Variants in LRIG3 observed in about 807,000 individuals in gnomAD.
LRIG3 encodes leucine rich repeats and immunoglobulin like domains 3, also known as leucine-rich repeats and immunoglobulin-like domains protein 3.
A neutral mutation model predicts 114.5 loss-of-function variants in LRIG3; 76 were observed. That is an observed-to-expected ratio of 0.66 (90% CI 0.55 to 0.80). The LOEUF (loss-of-function observed/expected upper bound fraction) is 0.80. LRIG3 is among the 30% of genes least tolerant of loss of function. The pLI is 0.00. For missense variants in LRIG3, 1,239 were observed against 1,382.8 expected (o/e 0.90, Z 1.65); for synonymous variants, 512 against 519.8 (o/e 0.98, Z 0.20).
chr12:58,887,953 A>G, intron 7 of LRIG3, 21 bp from the exon 8 acceptor site: 1 of 1,602,708 alleles, frequency 6.2e-7, no homozygotes, highest in Non-Finnish European at 8.5e-7. Context: ...AAAAGAGAAA[A>G]GCAATAGCTT....
At chr12:58,881,805 G>A (rs1000170081) in intron 12 of LRIG3, among the ~76,000 whole-genome samples, 4 of 152,158 alleles carry the variant, frequency 2.6e-5, no homozygotes, top group Non-Finnish European at 5.9e-5. Context: ...TATTGTAATC[G>A]AGGTGTTTTC....
Position 58,886,867 on chromosome 12 carries a change from G to T in LRIG3, c.1115C>A (p.Ser372Tyr). 6.2e-7 allele frequency: 1 copy of T among 1,613,424 alleles called. No individual in the cohort carries two copies. The highest frequency in any genetic ancestry group is 1.3e-5 in the African/African-American group (1 of 74,996). The change falls in exon 9 of 19, where the codon TCC becomes TAC. Residue 372 changes from serine to tyrosine, a missense_variant. Ser to Tyr is a moderately radical substitution (Grantham distance 144). Transcript: ENST00000320743. ...ACCATTCATGTCTTCAATAGTCCAG[G>T]AAATTTCATTGTTCTTCAGATCCCT... ...KTLDLKNNEISWTIEDMNGAF... is the reference protein window; with the variant it reads ...KTLDLKNNEIYWTIEDMNGAF...
chr12:58,901,763 G>C (rs1489301126), intron 3 of LRIG3, among the ~76,000 whole-genome samples: 9 of 152,160 alleles, frequency 5.9e-5, no homozygotes, highest in Non-Finnish European at 1.2e-4. Flanking sequence ...AACGACAACA[G>C]GTAGAAGCTG....
intron 1 of LRIG3, among the ~76,000 whole-genome samples, chr12:58,918,409 T>C (rs1196168350): frequency 3.3e-5 from 5 of 152,288 alleles, no homozygotes; most frequent in Middle Eastern, 3.4e-3. Context: ...AGATTTTTTT[T>C]CTAAACATCT....
In LRIG3 at chr12:58,880,834, C is replaced by T. The variant is rs1261521959; in HGVS notation, c.1548G>A (p.Leu516=). The T allele has an allele frequency of 1.2e-6, 2 of 1,614,118 alleles. No individual in the cohort carries two copies. Among genetic ancestry groups the T allele is most frequent in the South Asian group, 2.2e-5 (2 of 91,070 alleles). ...TGCTGGCAGCTGAGCAGATGAAACTCAAATTGGAACCTTTTATTGCCGACT... is the reference window on the plus strand; with the variant it reads ...TGCTGGCAGCTGAGCAGATGAAACTTAAATTGGAACCTTTTATTGCCGACT... The part of the protein sequence containing the change: ...ETQSAIKGSN[L]SFICSAASSS... Residue 516 remains leucine, a synonymous_variant, in exon 13 of 19, where the codon TTG becomes TTA. Coordinates refer to ENST00000320743, the MANE Select transcript of LRIG3 (RefSeq NM_153377.5).
intron 11 of LRIG3, 138 bp from the exon 12 acceptor site, chr12:58,883,170 T>C (rs1359203715): frequency 8.7e-6 from 7 of 800,062 alleles, no homozygotes; most frequent in Non-Finnish European, 1.3e-5. Flanking sequence ...TATCCCACAG[T>C]CCATTTTAAA....
chr12:58,900,804 C>T (rs1172818100), intron 3 of LRIG3, among the ~76,000 whole-genome samples: 4 of 152,148 alleles, frequency 2.6e-5, no homozygotes, highest in African/African-American at 7.2e-5. Flanking sequence ...AATGCAGACA[C>T]AGAATAGCTT....
At position 58,872,390 on chromosome 12, in the gene LRIG3, G is replaced by T; in HGVS notation, c.*182C>A. On this transcript the variant is annotated 3_prime_UTR_variant, in exon 19 of 19. Transcript: ENST00000320743. ...ATAGTTTAAAAAGGTATTCTTATAT[G>T]AGCATCATTCCCAGTATAAAAATTT... The T allele has an allele frequency of 4.1e-6, 2 of 486,334 alleles. No homozygotes were observed. Among genetic ancestry groups the T allele is most frequent in the Non-Finnish European group, 6.6e-6 (2 of 300,796 alleles). 30.1% of individuals were successfully genotyped at this position (486,334 alleles called of 1,614,324 possible).
At chr12:58,876,936 T>C (rs1197750161) in intron 15 of LRIG3, among the ~76,000 whole-genome samples, 4 of 152,240 alleles carry the variant, frequency 2.6e-5, no homozygotes, top group Non-Finnish European at 5.9e-5. Flanking sequence ...TGCTTGATTA[T>C]TGCCATATTC....
At chr12:58,913,294 C>T (rs1463532503) in intron 3 of LRIG3, among the ~76,000 whole-genome samples, 1 of 152,146 alleles carries the variant, frequency 6.6e-6, no homozygotes, top group Admixed American at 6.5e-5. Flanking sequence ...AGAAATTAAA[C>T]CACAGGCATT....
intron 15 of LRIG3, among the ~76,000 whole-genome samples, chr12:58,877,119 C>T (rs1870948330): frequency 6.6e-6 from 1 of 152,220 alleles, no homozygotes; most frequent in Non-Finnish European, 1.5e-5. Context: ...GGTTCTCCAT[C>T]ACTATCTTAT....
At chr12:58,883,859 G>A (rs1871192561) in intron 10 of LRIG3, among the ~76,000 whole-genome samples, 1 of 152,118 alleles carries the variant, frequency 6.6e-6, no homozygotes, top group African/African-American at 2.4e-5. Flanking sequence ...TAGGGCCCAT[G>A]CTGTTCTATT....
chr12:58,874,058 TGAAA>T lies in LRIG3; in HGVS notation c.3108_3111del (p.Phe1037TrpfsTer13). The T allele has an allele frequency of 6.2e-7, 1 of 1,614,136 alleles. No individual in the cohort carries two copies. On this transcript the variant is annotated frameshift_variant, in exon 18 of 19. Coordinates refer to ENST00000320743, the MANE Select transcript of LRIG3 (RefSeq NM_153377.5). LOFTEE classifies it high-confidence loss of function. ...CCTGATAACTTAATAAACTTACCCATGAAAGAATTACTCGAGGCAACCGACGCTG... is the reference window on the plus strand; with the variant it reads ...CCTGATAACTTAATAAACTTACCCATGAATTACTCGAGGCAACCGACGCTG...
chr12:58,876,162 G>T (rs1412463411), intron 16 of LRIG3, among the ~76,000 whole-genome samples: 1 of 152,134 alleles, frequency 6.6e-6, no homozygotes, highest in Non-Finnish European at 1.5e-5. Flanking sequence ...AAGGGCCAAA[G>T]AACATTTATA....
intron 1 of LRIG3, among the ~76,000 whole-genome samples, chr12:58,917,102 T>G (rs1053924232): frequency 1.3e-5 from 2 of 152,154 alleles, no homozygotes; most frequent in African/African-American, 4.8e-5. Context: ...GAAAAACAGC[T>G]GTGAAAACCA....
At chr12:58,877,996 CAT>C in intron 14 of LRIG3, 144 bp from the exon 15 acceptor site, 2 of 737,374 alleles carry the variant, frequency 2.7e-6, no homozygotes, top group Non-Finnish European at 4.3e-6. Flanking sequence ...AGAGCCTAAA[CAT>C]ATACAACATT....
intron 3 of LRIG3, among the ~76,000 whole-genome samples, chr12:58,905,860 C>T (rs1194615790): frequency 1.3e-5 from 2 of 152,180 alleles, no homozygotes; most frequent in African/African-American, 2.4e-5. Context: ...ACTTCTCAGC[C>T]TCCACAATAA....
chr12:58,919,993 T>C lies in LRIG3; in HGVS notation c.236+7A>G. 1.3e-6 allele frequency: 2 copies of C among 1,550,242 alleles called. No individual in the cohort carries two copies. The highest frequency in any genetic ancestry group is 2.4e-5 in the South Asian group (2 of 84,114). Reference sequence around the variant, plus strand: ...GGGCCCCCTCCCCCCGCGGGAAGAATACTTACAGCCGAGCGACCCAGGACG... The same window carrying C: ...GGGCCCCCTCCCCCCGCGGGAAGAACACTTACAGCCGAGCGACCCAGGACG... On this transcript the variant is annotated splice_region_variant and intron_variant, in intron 1 of 18. Coordinates refer to ENST00000320743, the MANE Select transcript of LRIG3 (RefSeq NM_153377.5).
chr12:58,890,180 T>G lies in LRIG3; in HGVS notation c.516-41A>C, dbSNP rs770496654. On this transcript the variant is annotated intron_variant, in intron 4 of 18. Coordinates refer to ENST00000320743, the MANE Select transcript of LRIG3 (RefSeq NM_153377.5). ...AGATGAGCTTCTCCTTCTGATTTAT[T>G]TGCAAGTTAAAGTGCAGGCCATCTC... 4.4e-6 allele frequency: 7 copies of G among 1,604,848 alleles called. No individual in the cohort carries two copies. In the South Asian group the frequency reaches 7.8e-5, roughly 18 times the overall value.
Sources: allele counts gnomAD v4.1 joint callset (sites outside exome capture counted in the v4.1 genomes callset), GRCh38; gene constraint gnomAD v4.1.1; transcripts MANE v1.5; gene names NCBI Gene and HGNC (gene_info 2026-07-23, HGNC 2026-07-21).